Variants in LRP1B observed in about 807,000 individuals in gnomAD.
LRP1B encodes LDL receptor related protein 1B.
In LRP1B, 217 loss-of-function variants were observed where a neutral mutation model predicts 556.6. That is an observed-to-expected ratio of 0.39 (90% CI 0.35 to 0.44). LRP1B has a LOEUF of 0.44. Among genes scored for constraint, LRP1B ranks in the 20% least tolerant of loss-of-function variants. LRP1B has a pLI of 1.00. For missense variants in LRP1B, 5,053 were observed against 5,620.8 expected, an observed-to-expected ratio of 0.90 and a Z score of 3.23; for synonymous variants, 2,047 against 1,865.8, an observed-to-expected ratio of 1.10 and a Z score of -2.50.
Position 141,102,376 on chromosome 2 carries a change from G to A in LRP1B, c.1014-40103C>T, listed in dbSNP as rs542219683. Among the ~76,000 whole-genome samples the A allele has an allele frequency of 2.0e-5, 3 of 152,078 alleles. No individual in the cohort carries two copies. In the South Asian group the frequency reaches 6.2e-4, roughly 32 times the overall value. ...GAGCCTAATCCTGAAAAGTTTTTTCGAGGTTAACCCTCATTGTACATCACT... is the reference window on the plus strand; with the variant it reads ...GAGCCTAATCCTGAAAAGTTTTTTCAAGGTTAACCCTCATTGTACATCACT... On this transcript the variant is annotated intron_variant, in intron 7 of 90. Transcript: ENST00000389484.
chr2:141,818,764 C>T (rs141585690), intron 1 of LRP1B, among the ~76,000 whole-genome samples: 20,130 of 150,734 alleles, frequency 0.13, 1,423 homozygotes, highest in Middle Eastern at 0.14. Context: ...TCTCGATCTC[C>T]TGACCTCGTG....
At chr2:141,987,340 C>T (rs1157039108) in intron 1 of LRP1B, among the ~76,000 whole-genome samples, 1 of 151,816 alleles carries the variant, frequency 6.6e-6, no homozygotes, top group Non-Finnish European at 1.5e-5. Flanking sequence ...CTGTGTTCTC[C>T]TAATGTGGTG....
intron 66 of LRP1B, among the ~76,000 whole-genome samples, chr2:140,412,968 A>T (rs959016669): frequency 2.6e-5 from 4 of 152,124 alleles, no homozygotes; most frequent in African/African-American, 9.6e-5. Context: ...TAACATTCCA[A>T]CAGAGTATAA....
At chr2:141,691,355 T>C (rs1018687939) in intron 2 of LRP1B, among the ~76,000 whole-genome samples, 1 of 151,596 alleles carries the variant, frequency 6.6e-6, no homozygotes, top group Non-Finnish European at 1.5e-5. Flanking sequence ...AGACCCAGAA[T>C]TTATGGTGCT....
intron 7 of LRP1B, among the ~76,000 whole-genome samples, chr2:141,180,435 G>A (rs1680941053): frequency 6.6e-6 from 1 of 151,694 alleles, no homozygotes; most frequent in Non-Finnish European, 1.5e-5. Flanking sequence ...CTTCAAATAT[G>A]TAAGCTATTC....
chr2:140,305,329 T>C (rs9752566), intron 83 of LRP1B, among the ~76,000 whole-genome samples: 2,581 of 152,204 alleles, frequency 0.017, 76 homozygotes, highest in African/African-American at 0.059. Flanking sequence ...TCTTTTATTT[T>C]GTTGAGCAGT....
At chr2:140,991,036 T>TA (rs917239019) in intron 16 of LRP1B, among the ~76,000 whole-genome samples, 34 of 152,104 alleles carry the variant, frequency 2.2e-4, no homozygotes, top group African/African-American at 7.2e-4. Context: ...TGATGTATAG[T>TA]AAAAAAACAA....
At chr2:141,119,716 T>TTGTGTGTGTGTG (rs138710668) in intron 7 of LRP1B, among the ~76,000 whole-genome samples, 1 of 149,400 alleles carries the variant, frequency 6.7e-6, no homozygotes. Context: ...ACCCAAGAGG[T>TTGTGTGTGTGTG]TGTGTGTGTG....
chr2:140,732,030 AG>A (rs947289662), intron 35 of LRP1B, among the ~76,000 whole-genome samples: 2 of 152,146 alleles, frequency 1.3e-5, no homozygotes, highest in African/African-American at 4.8e-5. Flanking sequence ...ATACACCAAA[AG>A]ATATAGTATT....
chr2:141,537,631 C>T (rs36031377), intron 2 of LRP1B, among the ~76,000 whole-genome samples: 51,507 of 151,906 alleles, frequency 0.34, 9,743 homozygotes, highest in Non-Finnish European at 0.43. Flanking sequence ...ATATGTATTG[C>T]CATTCTGTGT....
At chr2:140,363,808 A>G (rs767734207) in intron 72 of LRP1B, among the ~76,000 whole-genome samples, 27 of 151,582 alleles carry the variant, frequency 1.8e-4, no homozygotes, top group Non-Finnish European at 3.5e-4. Flanking sequence ...CCTTAACTTG[A>G]TGCAACAAAC....
chr2:142,062,776 A>C (rs1371993874), intron 1 of LRP1B, among the ~76,000 whole-genome samples: 1 of 151,774 alleles, frequency 6.6e-6, no homozygotes, highest in African/African-American at 2.4e-5. Flanking sequence ...CACTATTTAC[A>C]AGGTATCAAA....
intron 41 of LRP1B, among the ~76,000 whole-genome samples, chr2:140,682,984 C>A (rs1418345971): frequency 6.6e-6 from 1 of 152,186 alleles, no homozygotes; most frequent in African/African-American, 2.4e-5. Context: ...GAAAACCCTT[C>A]ATTAGAGTAC....
At chr2:140,953,823 A>T (rs565759604) in intron 18 of LRP1B, among the ~76,000 whole-genome samples, 1 of 152,190 alleles carries the variant, frequency 6.6e-6, no homozygotes, top group Non-Finnish European at 1.5e-5. Flanking sequence ...CTAATGATAC[A>T]TGTATCTCCT....
At chr2:140,352,030 G>A (rs922046868) in intron 76 of LRP1B, among the ~76,000 whole-genome samples, 1 of 152,004 alleles carries the variant, frequency 6.6e-6, no homozygotes, top group African/African-American at 2.4e-5. Context: ...TTTTCTTCTT[G>A]TAATAACAAT....
intron 7 of LRP1B, among the ~76,000 whole-genome samples, chr2:141,177,938 A>T (rs1427958569): frequency 6.6e-6 from 1 of 152,124 alleles, no homozygotes; most frequent in Admixed American, 6.6e-5. Context: ...ACCTATAAAT[A>T]AGTAGAAAGA....
At chr2:142,034,898 A>G (rs905636351) in intron 1 of LRP1B, among the ~76,000 whole-genome samples, 2 of 151,778 alleles carry the variant, frequency 1.3e-5, no homozygotes, top group African/African-American at 2.4e-5. Context: ...TCTATTTAAA[A>G]TACAACACGT....
At chr2:140,826,772 T>C (rs1322791566) in intron 31 of LRP1B, among the ~76,000 whole-genome samples, 7 of 151,992 alleles carry the variant, frequency 4.6e-5, no homozygotes, top group African/African-American at 1.5e-4. Flanking sequence ...ACAGGAAGAA[T>C]CATGAGGGCC....
chr2:141,018,472 T>C (rs1697972408), intron 12 of LRP1B, among the ~76,000 whole-genome samples: 1 of 152,120 alleles, frequency 6.6e-6, no homozygotes, highest in African/African-American at 2.4e-5. Flanking sequence ...AGGTTTCTAA[T>C]ATAATCTGGA....
Sources: gnomAD v4.1 joint callset for allele counts (sites outside exome capture counted in the v4.1 genomes callset) on GRCh38, gnomAD v4.1.1 for gene constraint, MANE v1.5 for transcripts, NCBI Gene and HGNC (gene_info 2026-07-23, HGNC 2026-07-21) for gene names.